GPR21: variants seen among roughly 807,000 people sequenced by gnomAD.
The protein encoded by GPR21 is probable G protein-coupled receptor 21.
In GPR21, 9 loss-of-function variants were observed where a neutral mutation model predicts 21.5. The ratio of observed to expected loss-of-function variants is 0.42; its 90% confidence interval spans 0.25 to 0.73. GPR21 has a LOEUF of 0.73. GPR21 is among the 30% of genes least tolerant of loss of function. The pLI, the probability that GPR21 is intolerant of heterozygous loss-of-function variation, is 0.27. For missense variants in GPR21, 416 were observed against 428.9 expected, an observed-to-expected ratio of 0.97 and a Z score of 0.27; for synonymous variants, 169 against 159.3, an observed-to-expected ratio of 1.06 and a Z score of -0.46.
the GPR21 span, among the ~76,000 whole-genome samples, chr9:123,046,043 T>C: frequency 6.0e-4 from 91 of 152,338 alleles, no homozygotes; most frequent in African/African-American, 2.1e-3. Flanking sequence ...CTGGTGTGCT[T>C]CCTTCTCTCA....
chr9:123,034,375 C>T lies in GPR21; in HGVS notation c.-192C>T. On this transcript the variant is annotated 5_prime_UTR_variant, in exon 2 of 2. Transcript: ENST00000616002. The stretch of plus-strand genomic sequence containing the variant: ...CAACTGCTGCTGGCTCTCCTTATTC[C>T]AGGAAGGATTTAAAGGGGAATTGCA... The T allele has an allele frequency of 1.7e-6, 1 of 578,876 alleles. No individual in the cohort carries two copies. The allele number at this position is 578,876 out of a possible 1,614,324, so 35.9% of individuals were successfully genotyped here.
rs765919158 is a variant in GPR21 at position 123,035,593 on chromosome 9, C to T, written c.1027C>T (p.Pro343Ser). The T allele has an allele frequency of 6.3e-7, 1 of 1,595,254 alleles. No homozygotes were observed. Among genetic ancestry groups the T allele is most frequent in the Non-Finnish European group, 8.5e-7 (1 of 1,173,600 alleles). Reference sequence around the variant, plus strand: ...CCCTTACACAGTTAGAAGCAAAGGCCCTCTTAATGGATGTCATATCTGAAG... The same window carrying T: ...CCCTTACACAGTTAGAAGCAAAGGCTCTCTTAATGGATGTCATATCTGAAG... ...NDPYTVRSKG[P>S]LNGCHI The change falls in exon 2 of 2, where the codon CCT becomes TCT. Residue 343 changes from proline to serine, a missense_variant. Transcript: ENST00000616002.
chr9:123,035,841 C>T, downstream of GPR21: 1 of 471,776 alleles, frequency 2.1e-6, no homozygotes, highest in Non-Finnish European at 3.7e-6. Flanking sequence ...ATCATGAAGA[C>T]AAATTGCTCT....
chr9:123,049,088 C>A, the GPR21 span, among the ~76,000 whole-genome samples: 2 of 152,112 alleles, frequency 1.3e-5, no homozygotes, highest in Admixed American at 1.3e-4. Flanking sequence ...AATAAAGAGC[C>A]ATCTTTTCTG....
chr9:123,037,672 CTT>C (rs2032733341), downstream of GPR21, among the ~76,000 whole-genome samples: 1 of 152,124 alleles, frequency 6.6e-6, no homozygotes, highest in Non-Finnish European at 1.5e-5. Flanking sequence ...ATTTTAAACA[CTT>C]AATTTTTGTT....
At chr9:123,043,515 AGAAAG>A in the GPR21 span, among the ~76,000 whole-genome samples, 1 of 152,202 alleles carries the variant, frequency 6.6e-6, no homozygotes, top group Non-Finnish European at 1.5e-5. Flanking sequence ...AGAAAATTGA[AGAAAG>A]GAAATAAGAT....
At position 123,035,006 on chromosome 9, in the gene GPR21, G is replaced by A. The variant is rs753918043; in HGVS notation, c.440G>A (p.Arg147His). Residue 147 changes from arginine to histidine, a missense_variant, in exon 2 of 2, where the codon CGC (arginine) becomes CAC (histidine). Arg to His is a conservative substitution (Grantham distance 29). Transcript: ENST00000616002. The stretch of plus-strand genomic sequence containing the variant: ...ACTCTGGTTACACCCTGGAGACTAC[G>A]CCTGTGTATTTTCCTGATTTGGCTA... ...YNTLVTPWRL[R>H]LCIFLIWLYS... The A allele has an allele frequency of 2.6e-5, 42 of 1,613,298 alleles. No individual in the cohort carries two copies. The highest frequency in any genetic ancestry group is 1.6e-4 in the Middle Eastern group (1 of 6,082).
chr9:123,037,133 G>T (rs940808016), downstream of GPR21, among the ~76,000 whole-genome samples: 1 of 152,078 alleles, frequency 6.6e-6, no homozygotes, highest in Non-Finnish European at 1.5e-5. Context: ...GATGGAAGAT[G>T]GAAGAAACCC....
rs144184058 is a variant in GPR21, at chr9:123,034,973, C to T, written c.407C>T (p.Thr136Ile). Residue 136 changes from threonine (T) to isoleucine (I), a missense_variant, in exon 2 of 2, where the codon ACC (threonine) becomes ATC (isoleucine). Thr to Ile is a moderately conservative substitution (Grantham distance 89). Coordinates refer to ENST00000616002, the MANE Select transcript of GPR21 (RefSeq NM_005294.3). ...TACATTGCCATTACTAAACCTTTAA[C>T]CTATAATACTCTGGTTACACCCTGG... ...DRYIAITKPL[T>I]YNTLVTPWRL... 16 of 1,613,742 alleles carry T rather than the reference C, an allele frequency of 9.9e-6. No individual in the cohort carries two copies. The highest frequency in any genetic ancestry group is 8.9e-5 in the East Asian group (4 of 44,898).
chr9:123,037,438 A>C (rs1395915192), downstream of GPR21, among the ~76,000 whole-genome samples: 2 of 152,208 alleles, frequency 1.3e-5, no homozygotes, highest in Non-Finnish European at 2.9e-5. Flanking sequence ...TTTAGAACTC[A>C]TACTGAAATT....
the GPR21 span, among the ~76,000 whole-genome samples, chr9:123,047,399 T>A: frequency 6.6e-6 from 1 of 152,176 alleles, no homozygotes; most frequent in Non-Finnish European, 1.5e-5. Flanking sequence ...GTAGCTGTTT[T>A]CCAAGAATTT....
At chr9:123,038,050 A>G (rs2032758455), downstream of GPR21, among the ~76,000 whole-genome samples, 1 of 152,194 alleles carries the variant, frequency 6.6e-6, no homozygotes, top group Non-Finnish European at 1.5e-5. Context: ...AAGTAGGATT[A>G]TACTGATGTT....
At chr9:123,038,769 T>C (rs1359395177), downstream of GPR21, among the ~76,000 whole-genome samples, 2 of 151,448 alleles carry the variant, frequency 1.3e-5, no homozygotes, top group African/African-American at 2.4e-5. Flanking sequence ...ATTATTAATA[T>C]TATGTTGCAG....
In GPR21 at chr9:123,034,992, A is replaced by T. The variant is rs759813087; in HGVS notation, c.426A>T (p.Thr142=). 25 of 1,613,678 alleles carry T rather than the reference A, an allele frequency of 1.5e-5. No individual in the cohort carries two copies. Among genetic ancestry groups the T allele is most frequent in the Middle Eastern group, 1.6e-4 (1 of 6,084 alleles). ...TKPLTYNTLV[T]PWRLRLCIFL... ...CTTTAACCTATAATACTCTGGTTAC[A>T]CCCTGGAGACTACGCCTGTGTATTT... The change falls in exon 2 of 2, where the codon ACA becomes ACT. Residue 142 remains threonine (T), a synonymous_variant. Coordinates refer to ENST00000616002, the MANE Select transcript of GPR21 (RefSeq NM_005294.3).
chr9:123,040,777 A>G, the GPR21 span, among the ~76,000 whole-genome samples: 1 of 152,170 alleles, frequency 6.6e-6, no homozygotes, highest in African/African-American at 2.4e-5. Context: ...GAAACTACCT[A>G]TAAAAATTAA....
rs1329289727 is a variant in GPR21, at chr9:123,035,191, T to C, written c.625T>C (p.Phe209Leu). ...LYAPAALIVC[F>L]TYFNIFRICQ... ...TGCCCCAGCAGCCCTTATTGTCTGCTTCACCTATTTCAACATCTTCCGCAT... is the reference window on the plus strand; with the variant it reads ...TGCCCCAGCAGCCCTTATTGTCTGCCTCACCTATTTCAACATCTTCCGCAT... The change falls in exon 2 of 2, where the codon TTC (phenylalanine) becomes CTC (leucine). Residue 209 changes from phenylalanine to leucine, a missense_variant. Physicochemically the swap from Phe to Leu is conservative, Grantham distance 22 (BLOSUM62 0). Transcript: ENST00000616002. 5.6e-6 allele frequency: 9 copies of C among 1,614,174 alleles called. No homozygotes were observed. The highest frequency in any genetic ancestry group is 7.6e-6 in the Non-Finnish European group (9 of 1,180,012).
chr9:123,042,680 A>G, the GPR21 span, among the ~76,000 whole-genome samples: 134 of 152,328 alleles, frequency 8.8e-4, no homozygotes, highest in African/African-American at 3.0e-3. Context: ...TGAAAAAGCA[A>G]AACAGTCGGA....
chr9:123,047,077 G>A, the GPR21 span, among the ~76,000 whole-genome samples: 1 of 152,276 alleles, frequency 6.6e-6, no homozygotes, highest in African/African-American at 2.4e-5. Flanking sequence ...TTAGAAAATA[G>A]GAGTTTTCAG....
At chr9:123,040,622 A>T (rs563018499), downstream of GPR21, among the ~76,000 whole-genome samples, 2 of 152,192 alleles carry the variant, frequency 1.3e-5, no homozygotes, top group East Asian at 3.9e-4. Flanking sequence ...TGCTTTTTAT[A>T]TCCCCAGCCC....
Sources: gnomAD v4.1 joint callset for allele counts (sites outside exome capture counted in the v4.1 genomes callset) on GRCh38, gnomAD v4.1.1 for gene constraint, MANE v1.5 for transcripts, NCBI Gene and HGNC (gene_info 2026-07-23, HGNC 2026-07-21) for gene names.